Variants in FIG4 observed in about 807,000 individuals in gnomAD.
FIG4 encodes polyphosphoinositide phosphatase.
A neutral mutation model predicts 118.6 loss-of-function variants in FIG4; 112 were observed. The observed-to-expected ratio is 0.94, with a 90% CI of 0.81 to 1.11. The LOEUF (loss-of-function observed/expected upper bound fraction) is 1.11, where lower values mean the gene tolerates loss of function less well. FIG4 is among the 50% of genes least tolerant of loss of function. The probability of loss-of-function intolerance (pLI) is 0.00; values close to 1 mark genes in which losing one functional copy is unlikely to be tolerated. For synonymous variants in FIG4, 369 were observed against 381.2 expected (o/e 0.97, Z 0.37); for missense variants, 969 against 1,111.7 (o/e 0.87, Z 1.83).
intron 1 of FIG4, among the ~76,000 whole-genome samples, chr6:109,707,821 G>A (rs1486478493): frequency 6.6e-6 from 1 of 151,998 alleles, no homozygotes; most frequent in Non-Finnish European, 1.5e-5. Context: ...TGTTTAAAAA[G>A]TGTCACTTTT....
chr6:109,752,319 A>G (rs1413538932), intron 10 of FIG4, among the ~76,000 whole-genome samples: 1 of 151,022 alleles, frequency 6.6e-6, no homozygotes, highest in Non-Finnish European at 1.5e-5. Context: ...GTGTCTTTAT[A>G]GCAGCATGAT....
chr6:109,809,793 A>G (rs1185148802), intron 22 of FIG4, among the ~76,000 whole-genome samples: 1 of 152,228 alleles, frequency 6.6e-6, no homozygotes, highest in African/African-American at 2.4e-5. Context: ...TCCAAATAAC[A>G]GAACCTCTAA....
At chr6:109,804,930 T>C (rs1778522190) in intron 22 of FIG4, among the ~76,000 whole-genome samples, 1 of 152,200 alleles carries the variant, frequency 6.6e-6, no homozygotes, top group Non-Finnish European at 1.5e-5. Flanking sequence ...AACATTAAAT[T>C]ATGAATGAGG....
intron 16 of FIG4, among the ~76,000 whole-genome samples, chr6:109,778,841 T>C (rs184288996): frequency 0.03 from 4,504 of 152,156 alleles, 227 homozygotes; most frequent in African/African-American, 0.1. Flanking sequence ...CCTTGTGATC[T>C]GCCCGCCTTG....
chr6:109,741,960 A>G (rs1316500277), intron 8 of FIG4, among the ~76,000 whole-genome samples: 1 of 152,074 alleles, frequency 6.6e-6, no homozygotes, highest in Non-Finnish European at 1.5e-5. Flanking sequence ...TCTGTCTGAG[A>G]TTGGTTGACT....
At chr6:109,757,451 T>G (rs773079776) in intron 10 of FIG4, among the ~76,000 whole-genome samples, 1 of 152,200 alleles carries the variant, frequency 6.6e-6, no homozygotes, top group Non-Finnish European at 1.5e-5. Flanking sequence ...TAGGTATTGA[T>G]GGAACATATC....
chr6:109,734,246 A>T (rs1264628581), intron 5 of FIG4, among the ~76,000 whole-genome samples: 1 of 151,728 alleles, frequency 6.6e-6, no homozygotes, highest in East Asian at 1.9e-4. Context: ...AAATTTGTAT[A>T]AAATATTCAA....
intron 14 of FIG4, among the ~76,000 whole-genome samples, chr6:109,766,465 G>A (rs1006215861): frequency 6.6e-6 from 1 of 152,204 alleles, no homozygotes; most frequent in Non-Finnish European, 1.5e-5. Context: ...TTTAAGTGTG[G>A]TTAGAAACAA....
At chr6:109,748,181 G>A (rs970907429) in intron 10 of FIG4, among the ~76,000 whole-genome samples, 1 of 152,116 alleles carries the variant, frequency 6.6e-6, no homozygotes, top group Admixed American at 6.6e-5. Context: ...TCAAGTTGGT[G>A]ATCATGATTT....
intron 1 of FIG4, among the ~76,000 whole-genome samples, chr6:109,696,213 A>C (rs1774713230): frequency 6.6e-6 from 1 of 152,198 alleles, no homozygotes; most frequent in Non-Finnish European, 1.5e-5. Context: ...AGCAGAATTC[A>C]TGTTGCTCTG....
intron 17 of FIG4, 92 bp downstream of exon 17, chr6:109,785,120 A>G: frequency 2.6e-6 from 2 of 783,964 alleles, no homozygotes; most frequent in South Asian, 2.7e-5. Context: ...TGCACATAGT[A>G]TTTTATTAGA....
rs56758352 is a variant in FIG4 at position 109,789,099 on chromosome 6, A to G, written c.2097-495A>G. ...CATTATGTCTACCTCCTTAGGTGGT[A>G]TAGCTTAAAAATGTTGTCCATGAAA... On this transcript the variant is annotated intron_variant, in intron 18 of 22. Coordinates refer to ENST00000230124, the MANE Select transcript of FIG4 (RefSeq NM_014845.6). Among the ~76,000 whole-genome samples, 127 of 152,356 alleles carry G rather than the reference A, an allele frequency of 8.3e-4. 1 individual carries two copies. In the East Asian group the frequency reaches 0.024, roughly 29 times the overall value.
chr6:109,797,163 C>G (rs978483482), intron 22 of FIG4, among the ~76,000 whole-genome samples: 1 of 152,150 alleles, frequency 6.6e-6, no homozygotes, highest in Non-Finnish European at 1.5e-5. Context: ...GAGACATGCT[C>G]AAGTTTAATA....
At chr6:109,765,206 G>GCAA (rs1197913984) in intron 14 of FIG4, 45 bp downstream of exon 14, 1 of 1,544,814 alleles carries the variant, frequency 6.5e-7, no homozygotes, top group Non-Finnish European at 9.0e-7. Context: ...ATGGCAGAAG[G>GCAA]CAAACCTGGT....
At chr6:109,699,435 C>A (rs1321776207) in intron 1 of FIG4, among the ~76,000 whole-genome samples, 1 of 148,890 alleles carries the variant, frequency 6.7e-6, no homozygotes, top group Non-Finnish European at 1.5e-5. Flanking sequence ...TGTGTATTTT[C>A]TGGTTAATTA....
intron 1 of FIG4, among the ~76,000 whole-genome samples, chr6:109,698,559 C>T (rs961667446): frequency 1.3e-5 from 2 of 152,242 alleles, no homozygotes; most frequent in African/African-American, 4.8e-5. Context: ...GTGACCGGAA[C>T]AGACATTCTT....
chr6:109,776,904 A>G lies in FIG4; in HGVS notation c.1751-18A>G, dbSNP rs1777633986. On this transcript the variant is annotated intron_variant, in intron 15 of 22. Transcript: ENST00000230124. ...CCATCAGTAATGGATTTTCTGAAAT[A>G]TATATTTTGCTTTTTAGATGCCGAT... is the stretch of plus-strand genomic sequence containing the variant. 4 of 1,600,638 alleles carry G rather than the reference A, an allele frequency of 2.5e-6. No individual in the cohort carries two copies. In the East Asian group the frequency reaches 6.7e-5, roughly 27 times the overall value.
chr6:109,763,800 T>C (rs1247988546), intron 12 of FIG4, 137 bp from the exon 13 acceptor site: 4 of 685,026 alleles, frequency 5.8e-6, no homozygotes, highest in African/African-American at 5.3e-5. Context: ...AGAATGAGAG[T>C]AGGCAGGATC....
Position 109,776,922 on chromosome 6 carries a change from A to G in FIG4, c.1751A>G (p.Asp584Gly). 6.2e-7 allele frequency: 1 copy of G among 1,612,584 alleles called. No homozygotes were observed. The highest frequency in any genetic ancestry group is 1.3e-5 in the African/African-American group (1 of 75,012). ...LSRYYSNAFS[D>G]ADRQDSINLF... ...CTGAAATATATATTTTGCTTTTTAG[A>G]TGCCGATAGACAAGATTCCATTAAT... The change falls in exon 16 of 23, where the codon GAT becomes GGT. Residue 584 changes from aspartate to glycine, a missense_variant and splice_region_variant. Around this residue, in one of 3 missense-constraint regions of FIG4, gnomAD observed 246 missense variants for 354.3 expected, o/e 0.69. Transcript: ENST00000230124.
Sources: gnomAD v4.1 joint callset for allele counts (sites outside exome capture counted in the v4.1 genomes callset) on GRCh38, gnomAD v4.1.1 for gene constraint, gnomAD v4.1.1 regional missense constraint, MANE v1.5 for transcripts, NCBI Gene and HGNC (gene_info 2026-07-23, HGNC 2026-07-21) for gene names.